Variants in SEMA5A observed in about 807,000 individuals in gnomAD.
SEMA5A encodes semaphorin-5A.
In SEMA5A, 55 loss-of-function variants were observed where a neutral mutation model predicts 135.5. The observed-to-expected ratio is 0.41, with a 90% confidence interval of 0.33 to 0.51. The LOEUF is 0.51. Ranked by LOEUF, SEMA5A falls within the 20% of genes least tolerant of loss-of-function variation. SEMA5A has a pLI of 0.37. For synonymous variants in SEMA5A, 580 were observed against 546.5 expected (o/e 1.06, Z -0.85); for missense variants, 1,290 against 1,419.9 (o/e 0.91, Z 1.47).
chr5:9,074,937 G>T lies in SEMA5A; in HGVS notation c.2074-8291C>A, dbSNP rs568785410. 2.0e-5 allele frequency among the ~76,000 whole-genome samples: 3 copies of T among 152,178 alleles called. No homozygotes were observed. The South Asian group carries it at 6.2e-4, about 32-fold the overall frequency. ...GTATTTGGATCTGGTCCATAGAACG[G>T]AAAAAGACTCAATTTTCAGAATGCT... On this transcript the variant is annotated intron_variant, in intron 16 of 22. Transcript: ENST00000382496.
At chr5:9,358,424 T>G (rs1754547846) in intron 3 of SEMA5A, among the ~76,000 whole-genome samples, 1 of 152,172 alleles carries the variant, frequency 6.6e-6, no homozygotes, top group South Asian at 2.1e-4. Flanking sequence ...GGATGACAGC[T>G]GCCACAGAAC....
At chr5:9,054,369 A>G (rs1736773217) in intron 18 of SEMA5A, 112 bp from the exon 19 acceptor site, 5 of 1,357,748 alleles carry the variant, frequency 3.7e-6, no homozygotes, top group Middle Eastern at 1.9e-4. Context: ...ACAAAATGGA[A>G]TCTGCACTCC....
Position 9,204,821 on chromosome 5 carries a change from T to G in SEMA5A, c.647-2581A>C, listed in dbSNP as rs1426789065. Among the ~76,000 whole-genome samples, 1 of 152,166 alleles carries G rather than the reference T, an allele frequency of 6.6e-6. No individual in the cohort carries two copies. The highest frequency in any genetic ancestry group is 1.5e-5 in the Non-Finnish European group (1 of 68,026). ...CAGCAGGCAAATGAATGTTACCTCC[T>G]GAGCTCCGCCTCCCGTCAGATCAGT... is the stretch of plus-strand genomic sequence containing the variant. On this transcript the variant is annotated intron_variant, in intron 8 of 22. Coordinates refer to ENST00000382496, the MANE Select transcript of SEMA5A (RefSeq NM_003966.3). This position sits in a 1 kb window ranked among gnomAD's most constrained non-coding sequence, Gnocchi z 6.4.
At chr5:9,364,989 A>C (rs904522280) in intron 3 of SEMA5A, among the ~76,000 whole-genome samples, 1 of 152,210 alleles carries the variant, frequency 6.6e-6, no homozygotes, top group Admixed American at 6.5e-5. Context: ...TTGAGTACTC[A>C]TTGTTCAGAA....
chr5:9,207,913 A>G (rs1325133756), intron 8 of SEMA5A, among the ~76,000 whole-genome samples: 1 of 129,132 alleles, frequency 7.7e-6, no homozygotes, highest in Non-Finnish European at 1.7e-5. Context: ...AGATAGATAG[A>G]TAATAGATAG....
chr5:9,188,513 T>C (rs1744926177), intron 11 of SEMA5A, among the ~76,000 whole-genome samples: 1 of 152,164 alleles, frequency 6.6e-6, no homozygotes, highest in African/African-American at 2.4e-5. Flanking sequence ...TGCTCTTCAC[T>C]GACCCATTCA....
chr5:9,134,215 G>A lies in SEMA5A; in HGVS notation c.1599+2289C>T, dbSNP rs75726031. On this transcript the variant is annotated intron_variant, in intron 13 of 22. Transcript: ENST00000382496. ...AGACTAATACAAGTGGCATGATCTC[G>A]GTTCACCACAGCCTCAAACTCTTAG... Among the ~76,000 whole-genome samples, 623 of 152,214 alleles carry A rather than the reference G, an allele frequency of 4.1e-3. 5 individuals are homozygous for A. The highest frequency in any genetic ancestry group is 7.1e-3 in the Non-Finnish European group (486 of 68,002).
chr5:9,184,186 C>T (rs1272817482), intron 11 of SEMA5A, among the ~76,000 whole-genome samples: 1 of 151,822 alleles, frequency 6.6e-6, no homozygotes, highest in African/African-American at 2.4e-5. Context: ...CAGAATATTG[C>T]ATAACCATGT....
At chr5:9,213,701 A>G (rs1459248768) in intron 8 of SEMA5A, among the ~76,000 whole-genome samples, 1 of 152,184 alleles carries the variant, frequency 6.6e-6, no homozygotes, top group African/African-American at 2.4e-5. Flanking sequence ...TCATACTATG[A>G]TGGAAAGATT....
chr5:9,201,947 T>G lies in SEMA5A; in HGVS notation c.932+8A>C. On this transcript the variant is annotated splice_region_variant and intron_variant, in intron 9 of 22. Coordinates refer to ENST00000382496, the MANE Select transcript of SEMA5A (RefSeq NM_003966.3). ...GAGAGGGGAGAAAAATTATTTCAAG[T>G]TACATACACATTGGTGGTAAAGATG... 6.2e-7 allele frequency: 1 copy of G among 1,611,256 alleles called. No individual in the cohort carries two copies. The highest frequency in any genetic ancestry group is 8.5e-7 in the Non-Finnish European group (1 of 1,177,754).
intron 3 of SEMA5A, among the ~76,000 whole-genome samples, chr5:9,344,577 A>G (rs1246706929): frequency 2.0e-5 from 3 of 152,164 alleles, no homozygotes; most frequent in Non-Finnish European, 4.4e-5. Flanking sequence ...TACCCCAGAG[A>G]AAAACAGAAA....
chr5:9,054,136 G>A lies in SEMA5A; in HGVS notation c.2640C>T (p.Cys880=), dbSNP rs1389800932. 1.2e-6 allele frequency: 2 copies of A among 1,613,678 alleles called. No homozygotes were observed. The highest frequency in any genetic ancestry group is 1.7e-6 in the Non-Finnish European group (2 of 1,179,922). ...GTGCCTCTTCTGTGTGCAGCCCCAG[G>A]CAGATGTCCCCTCCATAGGCCGGGG... is the stretch of plus-strand genomic sequence containing the variant. The part of the protein sequence containing the change: ...NPAPAYGGDI[C]LGLHTEEALC... Residue 880 remains cysteine (C), a synonymous_variant, in exon 19 of 23, where the codon TGC becomes TGT. Transcript: ENST00000382496.
intron 16 of SEMA5A, among the ~76,000 whole-genome samples, chr5:9,090,293 T>C (rs1292383090): frequency 6.6e-6 from 1 of 152,136 alleles, no homozygotes; most frequent in Non-Finnish European, 1.5e-5. Flanking sequence ...CCCAACTCCA[T>C]TTACCCAGTA....
At position 9,389,513 on chromosome 5, in the gene SEMA5A, C is replaced by T. The variant is rs558659753; in HGVS notation, c.-77-9490G>A. Among the ~76,000 whole-genome samples, 12 of 152,326 alleles carry T rather than the reference C, an allele frequency of 7.9e-5. No homozygotes were observed. The East Asian group carries it at 1.9e-3, about 24-fold the overall frequency. On this transcript the variant is annotated intron_variant, in intron 2 of 22. Transcript: ENST00000382496. ...CCTCTCATAGCTAACTACACCATCA[C>T]TCAGACAGCCAACTCAGAGCTCAAG...
At chr5:9,217,673 A>G (rs3902451) in intron 8 of SEMA5A, among the ~76,000 whole-genome samples, 73,962 of 152,072 alleles carry the variant, frequency 0.49, 18,184 homozygotes, top group South Asian at 0.62. Context: ...TAATCCCACA[A>G]TTCTCAAAGG....
chr5:9,515,951 C>T (rs1231025219), intron 1 of SEMA5A, among the ~76,000 whole-genome samples: 2 of 152,192 alleles, frequency 1.3e-5, no homozygotes, highest in Non-Finnish European at 2.9e-5. Context: ...GGACACTTTT[C>T]TCTTATTAAA....
intron 2 of SEMA5A, among the ~76,000 whole-genome samples, chr5:9,418,826 T>C (rs1004596381): frequency 2.6e-5 from 4 of 152,238 alleles, no homozygotes; most frequent in African/African-American, 9.6e-5. Context: ...AGGCAGGTAA[T>C]AGGCATCCTA....
At chr5:9,098,455 A>G (rs1739447317) in intron 16 of SEMA5A, among the ~76,000 whole-genome samples, 1 of 152,178 alleles carries the variant, frequency 6.6e-6, no homozygotes, top group South Asian at 2.1e-4. Flanking sequence ...TGGATAATCA[A>G]TTGATTAGCT....
rs1450717287 is a variant in SEMA5A at position 9,385,781 on chromosome 5, G to C, written c.-77-5758C>G. 2.7e-5 allele frequency among the ~76,000 whole-genome samples: 4 copies of C among 146,442 alleles called. No individual in the cohort carries two copies. The East Asian group carries it at 8.0e-4, about 29-fold the overall frequency. ...AAACATCCAGGATTTGCAGGAGAAG[G>C]AGTTGGAAAGCGCTTTTTTTTTTTT... On this transcript the variant is annotated intron_variant, in intron 2 of 22. Coordinates refer to ENST00000382496, the MANE Select transcript of SEMA5A (RefSeq NM_003966.3).
Sources: gnomAD v4.1 joint callset for allele counts (sites outside exome capture counted in the v4.1 genomes callset) on GRCh38, gnomAD v4.1.1 for gene constraint, Gnocchi (gnomAD v3.1) non-coding constraint, MANE v1.5 for transcripts, NCBI Gene and HGNC (gene_info 2026-07-23, HGNC 2026-07-21) for gene names.